LRP1: variants seen among roughly 807,000 people sequenced by gnomAD.
LRP1 encodes the protein LDL receptor related protein 1.
Under a neutral mutation model 541.5 loss-of-function variants are expected in LRP1, and 51 were observed. The observed-to-expected ratio is 0.09, with a 90% CI of 0.08 to 0.12. LRP1 has a LOEUF of 0.12. Among genes scored for constraint, LRP1 ranks in the 10% least tolerant of loss-of-function variants. The pLI, the probability that LRP1 is intolerant of heterozygous loss-of-function variation, is 1.00. For missense variants in LRP1, 3,878 were observed against 6,376.2 expected, an observed-to-expected ratio of 0.61 and a Z score of 13.34; for synonymous variants, 2,219 against 2,470.8, an observed-to-expected ratio of 0.90 and a Z score of 3.02.
chr12:57,133,679 C>G (rs1311749392), intron 1 of LRP1, among the ~76,000 whole-genome samples: 1 of 142,646 alleles, frequency 7.0e-6, no homozygotes, highest in Non-Finnish European at 1.5e-5. Context: ...GTTCCCTTAG[C>G]TATATCATGT....
intron 3 of LRP1, among the ~76,000 whole-genome samples, chr12:57,142,178 C>T (rs896697208): frequency 4.6e-5 from 7 of 152,248 alleles, no homozygotes; most frequent in Non-Finnish European, 1.0e-4. Flanking sequence ...ATGGAGAGTC[C>T]GGTCACAGCG....
rs1359477997 is a variant in LRP1, at chr12:57,178,584, C to T, written c.4587C>T (p.His1529=). The T allele has an allele frequency of 4.3e-6, 7 of 1,614,210 alleles. No individual in the cohort carries two copies. In the Admixed American group the frequency reaches 5.0e-5, roughly 12 times the overall value. The part of the protein sequence containing the change: ...NTQPFDLQVY[H]PSRQPMAPNP... ...AGCCCTTTGACCTGCAGGTGTACCA[C>T]CCCTCCCGCCAGCCCATGGGTAAGG... Residue 1529 remains histidine (H), a synonymous_variant, in exon 27 of 89, where the codon CAC becomes CAT. Transcript: ENST00000243077. This position sits in a 1 kb window ranked among gnomAD's most constrained non-coding sequence, Gnocchi z 5.8.
Position 57,201,411 on chromosome 12 carries a change from AGGGCTT to A in LRP1, c.10346-83_10346-78del, listed in dbSNP as rs2036652061. 9 of 1,529,044 alleles carry A rather than the reference AGGGCTT, an allele frequency of 5.9e-6. No individual in the cohort carries two copies. Among genetic ancestry groups the A allele is most frequent in the Non-Finnish European group, 8.0e-6 (9 of 1,131,616 alleles). 94.7% of individuals were successfully genotyped at this position (1,529,044 alleles called of 1,614,324 possible). ...AGAAGTTGCTGGCAGGACCAAGGCCAGGGCTTGGAAGAGAGAGAAGACAGTGATGGT... is the reference window on the plus strand; with the variant it reads ...AGAAGTTGCTGGCAGGACCAAGGCCAGGAAGAGAGAGAAGACAGTGATGGT... On this transcript the variant is annotated intron_variant, in intron 65 of 88. Transcript: ENST00000243077. This position sits in a 1 kb window ranked among gnomAD's most constrained non-coding sequence, Gnocchi z 6.4.
At chr12:57,200,924 G>C in intron 64 of LRP1, 109 bp downstream of exon 64, 1 of 1,572,548 alleles carries the variant, frequency 6.4e-7, no homozygotes, top group Non-Finnish European at 8.7e-7. Context: ...TTGCTCTCCA[G>C]GCTGGATTCC....
At chr12:57,157,890 T>C (rs1433523899) in intron 10 of LRP1, among the ~76,000 whole-genome samples, 1 of 152,198 alleles carries the variant, frequency 6.6e-6, no homozygotes. Flanking sequence ...TTATTATATC[T>C]GGGATAGGAA....
chr12:57,175,515 C>A lies in LRP1; in HGVS notation c.3603C>A (p.Gly1201=), dbSNP rs765003676. The change falls in exon 23 of 89, where the codon GGC becomes GGA. Residue 1201 remains glycine (G), a synonymous_variant. Coordinates refer to ENST00000243077, the MANE Select transcript of LRP1 (RefSeq NM_002332.3). ...GCCACAACTGCTCAGTGGCACCTGG[C>A]GAAGGCATTGTGTGTTCCTGCCCTC... The part of the protein sequence containing the change: ...GCSHNCSVAP[G]EGIVCSCPLG... 3 of 1,614,054 alleles carry A rather than the reference C, an allele frequency of 1.9e-6. No homozygotes were observed. The highest frequency in any genetic ancestry group is 1.1e-5 in the South Asian group (1 of 91,088).
At position 57,174,815 on chromosome 12, in the gene LRP1, G is replaced by A. The variant is rs78621940; in HGVS notation, c.3548-645G>A. 2.1e-3 allele frequency among the ~76,000 whole-genome samples: 316 copies of A among 152,280 alleles called. 6 individuals carry two copies. The East Asian group carries it at 0.053, about 26-fold the overall frequency. ...AGGGTGCCCATTCAAGACCAAAAGA[G>A]ATGAGGTTGGGGGAGTCCAGGAGTC... On this transcript the variant is annotated intron_variant, in intron 22 of 88. Coordinates refer to ENST00000243077, the MANE Select transcript of LRP1 (RefSeq NM_002332.3).
Position 57,205,610 on chromosome 12 carries a change from C to T in LRP1, c.11523C>T (p.Thr3841=), listed in dbSNP as rs373032542. 1 of 1,613,854 alleles carries T rather than the reference C, an allele frequency of 6.2e-7. No individual in the cohort carries two copies. Among genetic ancestry groups the T allele is most frequent in the Middle Eastern group, 1.6e-4 (1 of 6,062 alleles). The change falls in exon 75 of 89, where the codon ACC becomes ACT. Residue 3841 remains threonine (T), a synonymous_variant. Coordinates refer to ENST00000243077, the MANE Select transcript of LRP1 (RefSeq NM_002332.3). This position sits in a 1 kb window ranked among gnomAD's most constrained non-coding sequence, Gnocchi z 4.6. ...CCTGCTCCCAGCTCTGCAACAACAC[C>T]AAGGGCGGCCACCTCTGCAGCTGCG... is the stretch of plus-strand genomic sequence containing the variant. ...FGTCSQLCNN[T]KGGHLCSCAR... is the part of the protein sequence containing the mutation.
intron 55 of LRP1, among the ~76,000 whole-genome samples, 164 bp from the exon 56 acceptor site, chr12:57,196,818 C>A (rs913004398): frequency 6.6e-6 from 1 of 152,154 alleles, no homozygotes; most frequent in Non-Finnish European, 1.5e-5. Context: ...CGGGGGCACA[C>A]AGAAGGAGGC....
rs1320444658 is a variant in LRP1 at position 57,201,682 on chromosome 12, C to T, written c.10468+63C>T. 6.3e-6 allele frequency: 10 copies of T among 1,595,234 alleles called. No homozygotes were observed. The highest frequency in any genetic ancestry group is 1.7e-4 in the Middle Eastern group (1 of 5,818). ...GTGTCTGCTGCTCACACCACCCCGACGTGTGACCCCCTCAGTGGCTGCTCC... is the reference window on the plus strand; with the variant it reads ...GTGTCTGCTGCTCACACCACCCCGATGTGTGACCCCCTCAGTGGCTGCTCC... On this transcript the variant is annotated intron_variant, in intron 66 of 88. Coordinates refer to ENST00000243077, the MANE Select transcript of LRP1 (RefSeq NM_002332.3). This position sits in a 1 kb window ranked among gnomAD's most constrained non-coding sequence, Gnocchi z 6.4.
rs2036336324 is a variant in LRP1 at position 57,189,628 on chromosome 12, G to A, written c.7032-1177G>A. ...GTGGGCAAGAAGGGTGTGACCTGGA[G>A]AGGTCTGAGGAGACAAGTTCACAGG... On this transcript the variant is annotated intron_variant, in intron 42 of 88. Transcript: ENST00000243077. The surrounding 1 kb of genome is among the most constrained non-coding windows in gnomAD (Gnocchi z 4.4). 6.6e-6 allele frequency among the ~76,000 whole-genome samples: 1 copy of A among 151,984 alleles called. No homozygotes were observed. The highest frequency in any genetic ancestry group is 2.1e-4 in the South Asian group (1 of 4,794).
At position 57,184,793 on chromosome 12, in the gene LRP1, C is replaced by T. The variant is rs1357913367; in HGVS notation, c.6187-46C>T. ...CCTGCTGCCCCAGACATGGGGCTGG[C>T]AGCGAGCTCAGCCCTGGAGGTGAGG... On this transcript the variant is annotated intron_variant, in intron 38 of 88. Transcript: ENST00000243077. This position sits in a 1 kb window ranked among gnomAD's most constrained non-coding sequence, Gnocchi z 7.8. 1 of 1,580,330 alleles carries T rather than the reference C, an allele frequency of 6.3e-7. No individual in the cohort carries two copies. The highest frequency in any genetic ancestry group is 1.1e-5 in the South Asian group (1 of 87,502).
In LRP1 at chr12:57,189,123, C is replaced by A. The variant is rs994771150; in HGVS notation, c.7031+1667C>A. ...GGATAGTTAGAAGGTCCGCCATGTT[C>A]CTGGACACTGAGCACCTACCCCAGG... On this transcript the variant is annotated intron_variant, in intron 42 of 88. Transcript: ENST00000243077. The surrounding 1 kb of genome is among the most constrained non-coding windows in gnomAD (Gnocchi z 4.4). Among the ~76,000 whole-genome samples the A allele has an allele frequency of 6.6e-6, 1 of 152,182 alleles. No homozygotes were observed. Among genetic ancestry groups the A allele is most frequent in the African/African-American group, 2.4e-5 (1 of 41,434 alleles).
intron 17 of LRP1, 31 bp from the exon 18 acceptor site, chr12:57,166,899 A>G: frequency 8.8e-7 from 1 of 1,130,854 alleles, no homozygotes; most frequent in South Asian, 1.3e-5. Context: ...GGTCAGGACA[A>G]TGAGTACTCA....
Position 57,189,268 on chromosome 12 carries a change from G to A in LRP1, c.7032-1537G>A, listed in dbSNP as rs2036329093. On this transcript the variant is annotated intron_variant, in intron 42 of 88. Transcript: ENST00000243077. The surrounding 1 kb of genome is among the most constrained non-coding windows in gnomAD (Gnocchi z 4.4). ...AAACCACTTCTCACTGCAGGTGTGA[G>A]TAGTTTCACCTGAGGTGTAGGAGTT... Among the ~76,000 whole-genome samples, 1 of 152,190 alleles carries A rather than the reference G, an allele frequency of 6.6e-6. No individual in the cohort carries two copies.
intron 11 of LRP1, among the ~76,000 whole-genome samples, chr12:57,159,001 T>C (rs2035677240): frequency 6.6e-6 from 1 of 152,228 alleles, no homozygotes; most frequent in Non-Finnish European, 1.5e-5. Flanking sequence ...CACATGTATG[T>C]GCGCACACAG....
chr12:57,182,094 A>AT (rs1012284101), intron 34 of LRP1, among the ~76,000 whole-genome samples: 14 of 151,112 alleles, frequency 9.3e-5, no homozygotes, highest in South Asian at 8.4e-4. Context: ...TTGACCATTC[A>AT]TTTTTTTTTC....
chr12:57,158,086 C>A lies in LRP1; in HGVS notation c.1562-316C>A, dbSNP rs1203200234. Among the ~76,000 whole-genome samples, 2 of 152,142 alleles carry A rather than the reference C, an allele frequency of 1.3e-5. No individual in the cohort carries two copies. Among genetic ancestry groups the A allele is most frequent in the Non-Finnish European group, 2.9e-5 (2 of 68,028 alleles). On this transcript the variant is annotated intron_variant, in intron 10 of 88. Transcript: ENST00000243077. The surrounding 1 kb of genome is among the most constrained non-coding windows in gnomAD (Gnocchi z 5.3). ...GGAAGTGGTAAACAGTGATGTGACT[C>A]CAACATATTTTGAAGGTACTCCTTT...
chr12:57,140,455 T>G (rs534112784), intron 2 of LRP1, among the ~76,000 whole-genome samples: 1 of 152,254 alleles, frequency 6.6e-6, no homozygotes, highest in African/African-American at 2.4e-5. Context: ...TTTAGTACAG[T>G]GTATTCATAT....
Sources: gnomAD v4.1 joint callset for allele counts (sites outside exome capture counted in the v4.1 genomes callset) on GRCh38, gnomAD v4.1.1 for gene constraint, Gnocchi (gnomAD v3.1) non-coding constraint, MANE v1.5 for transcripts, NCBI Gene and HGNC (gene_info 2026-07-23, HGNC 2026-07-21) for gene names.